The following DAB1 variants were observed in gnomAD, a reference collection of about 807,000 sequenced individuals.
DAB1 encodes the protein disabled homolog 1.
In DAB1, 15 loss-of-function variants were observed where a neutral mutation model predicts 64.6. The ratio of observed to expected loss-of-function variants is 0.23; its 90% CI spans 0.16 to 0.36. The LOEUF (loss-of-function observed/expected upper bound fraction) is 0.36. DAB1 is among the 10% of genes least tolerant of loss of function. DAB1 has a pLI of 1.00. For synonymous variants in DAB1, 235 were observed against 251.9 expected, an observed-to-expected ratio of 0.93 and a Z score of 0.64; for missense variants, 596 against 706.7, an observed-to-expected ratio of 0.84 and a Z score of 1.78.
chr1:58,317,187 G>A (rs1662576558), intron 4 of DAB1, among the ~76,000 whole-genome samples: 1 of 152,162 alleles, frequency 6.6e-6, no homozygotes, highest in Admixed American at 6.5e-5. Flanking sequence ...ATCCAATTAG[G>A]TGTCTCCTCT....
chr1:57,161,842 C>T (rs545692800), intron 2 of DAB1, among the ~76,000 whole-genome samples: 1 of 151,040 alleles, frequency 6.6e-6, no homozygotes, highest in African/African-American at 2.4e-5. Flanking sequence ...ACGCAAACAC[C>T]CATTCTTCAA....
In DAB1 at chr1:58,370,382, T is replaced by C. The variant is rs1161983703; in HGVS notation, n.258-26979A>G. On this transcript the variant is annotated intron_variant and non_coding_transcript_variant, in intron 3 of 20. Coordinates refer to the DAB1 transcript ENST00000485760. Reference sequence around the variant, plus strand: ...TTACTTATGAGTGTGTGCGTGTGTGTGTGTGTGTGTGTGTGTGTGTGTGTG... The same window carrying C: ...TTACTTATGAGTGTGTGCGTGTGTGCGTGTGTGTGTGTGTGTGTGTGTGTG... 5.7e-3 allele frequency among the ~76,000 whole-genome samples: 423 copies of C among 73,614 alleles called. 3 individuals are homozygous for C. The highest frequency in any genetic ancestry group is 0.048 in the African/African-American group (405 of 8,370). 48.3% of individuals were successfully genotyped at this position (73,614 alleles called of 152,430 possible). A position where few individuals can be genotyped will look rare whatever the true frequency, so the allele number is the denominator to read the frequency against.
chr1:57,907,199 C>G (rs985383920), intron 5 of DAB1, among the ~76,000 whole-genome samples: 3 of 152,144 alleles, frequency 2.0e-5, no homozygotes, highest in Non-Finnish European at 2.9e-5. Flanking sequence ...AGGACATAAG[C>G]AGGGCTCTTG....
At chr1:57,620,477 G>A (rs1176276312) in intron 7 of DAB1, among the ~76,000 whole-genome samples, 1 of 152,348 alleles carries the variant, frequency 6.6e-6, no homozygotes, top group East Asian at 1.9e-4. Flanking sequence ...TGGTAATTGA[G>A]TGAACTTGAC....
intron 1 of DAB1, among the ~76,000 whole-genome samples, chr1:57,326,794 G>A (rs1310816136): frequency 5.3e-5 from 8 of 151,972 alleles, no homozygotes; most frequent in Admixed American, 4.6e-4. Flanking sequence ...ACCATCCTCA[G>A]ACCTCATCGA....
chr1:57,152,443 T>C lies in DAB1; in HGVS notation c.68-7014A>G, dbSNP rs991415745. On this transcript the variant is annotated intron_variant, in intron 2 of 14. Coordinates refer to ENST00000371236, the MANE Select transcript of DAB1 (RefSeq NM_001365792.1). ...TTGAATTTTCAATGTAGCACTGATTTGAATTCCAAAGGAGGAAGATATAGG... is the reference window on the plus strand; with the variant it reads ...TTGAATTTTCAATGTAGCACTGATTCGAATTCCAAAGGAGGAAGATATAGG... Among the ~76,000 whole-genome samples the C allele has an allele frequency of 7.2e-5, 11 of 152,228 alleles. No homozygotes were observed. In the South Asian group the frequency reaches 8.3e-4, roughly 11 times the overall value.
chr1:58,365,040 G>A (rs1039096278), intron 3 of DAB1, among the ~76,000 whole-genome samples: 7 of 152,310 alleles, frequency 4.6e-5, no homozygotes, highest in Admixed American at 4.6e-4. Context: ...TGACTTCATA[G>A]TTCTCCCTGC....
At chr1:58,086,060 T>C (rs1264326598) in intron 5 of DAB1, among the ~76,000 whole-genome samples, 6 of 141,382 alleles carry the variant, frequency 4.2e-5, no homozygotes, top group Non-Finnish European at 9.0e-5. Context: ...GCCTCCCAGG[T>C]TCACGCCATT....
At chr1:58,436,685 A>G (rs1397762407) in intron 3 of DAB1, among the ~76,000 whole-genome samples, 3 of 152,272 alleles carry the variant, frequency 2.0e-5, no homozygotes. Flanking sequence ...GATAAGAAAG[A>G]AAATAAACAA....
intron 2 of DAB1, among the ~76,000 whole-genome samples, chr1:57,282,831 T>C (rs1672020987): frequency 6.6e-6 from 1 of 152,202 alleles, no homozygotes; most frequent in Non-Finnish European, 1.5e-5. Context: ...AATCACAGAG[T>C]TCATATAGAA....
intron 3 of DAB1, among the ~76,000 whole-genome samples, chr1:57,140,844 C>T (rs1290739373): frequency 2.0e-5 from 3 of 152,046 alleles, no homozygotes; most frequent in Non-Finnish European, 4.4e-5. Flanking sequence ...CGATGGAGGA[C>T]GTTACATATA....
Position 58,091,935 on chromosome 1 carries a change from A to AACACACACACACACACACACAC in DAB1, n.387+58554_387+58575dup, listed in dbSNP as rs59390109. Among the ~76,000 whole-genome samples the AACACACACACACACACACACAC allele has an allele frequency of 4.4e-3, 619 of 141,890 alleles. 5 individuals carry two copies. Among genetic ancestry groups the AACACACACACACACACACACAC allele is most frequent in the African/African-American group, 0.016 (595 of 36,972 alleles). The allele number at this position is 141,890 out of a possible 152,430, so 93.1% of individuals were successfully genotyped here. A position where few individuals can be genotyped will look rare whatever the true frequency, so the allele number is the denominator to read the frequency against. ...AGTTAGGATGCTTTGAGCTGCATTA[A>AACACACACACACACACACACAC]ACACACACACACACACACACACACA... On this transcript the variant is annotated intron_variant and non_coding_transcript_variant, in intron 5 of 20. Transcript: ENST00000485760.
At chr1:58,520,786 A>G (rs1322323783) in intron 2 of DAB1, among the ~76,000 whole-genome samples, 1 of 152,196 alleles carries the variant, frequency 6.6e-6, no homozygotes, top group Admixed American at 6.5e-5. Flanking sequence ...TATGTATATT[A>G]AAGATACTTT....
chr1:58,393,143 T>TTTA (rs1491071217), intron 3 of DAB1, among the ~76,000 whole-genome samples: 2 of 131,008 alleles, frequency 1.5e-5, no homozygotes, highest in Non-Finnish European at 3.2e-5. Flanking sequence ...TTTTTTTTTT[T>TTTA]ATAGATACAG....
intron 3 of DAB1, among the ~76,000 whole-genome samples, chr1:58,404,718 T>C (rs913370126): frequency 1.3e-5 from 2 of 152,174 alleles, no homozygotes; most frequent in Admixed American, 6.5e-5. Context: ...GTGTGTATGA[T>C]GGGAGCAAAT....
At chr1:57,199,318 C>T (rs1664902270) in intron 2 of DAB1, among the ~76,000 whole-genome samples, 3 of 152,212 alleles carry the variant, frequency 2.0e-5, no homozygotes, top group Admixed American at 1.3e-4. Context: ...AAAAAACCCA[C>T]ACAGAGACTT....
At chr1:57,956,874 G>A (rs999792529) in intron 5 of DAB1, among the ~76,000 whole-genome samples, 5 of 152,212 alleles carry the variant, frequency 3.3e-5, no homozygotes, top group Non-Finnish European at 7.3e-5. Flanking sequence ...TATTGGTGGA[G>A]TAGATGTGGA....
At chr1:58,402,310 C>T (rs956748408) in intron 3 of DAB1, among the ~76,000 whole-genome samples, 3 of 152,188 alleles carry the variant, frequency 2.0e-5, no homozygotes, top group African/African-American at 7.2e-5. Context: ...TAATCAGCAC[C>T]TTCTCCCCTC....
intron 7 of DAB1, among the ~76,000 whole-genome samples, chr1:57,525,826 G>C (rs1644585649): frequency 6.6e-6 from 1 of 152,084 alleles, no homozygotes; most frequent in South Asian, 2.1e-4. Flanking sequence ...AACAAAAGCT[G>C]GGGGAACAAA....
Sources: allele counts gnomAD v4.1 joint callset (sites outside exome capture counted in the v4.1 genomes callset), GRCh38; gene constraint gnomAD v4.1.1; transcripts MANE v1.5; gene names NCBI Gene and HGNC (gene_info 2026-07-23, HGNC 2026-07-21).